The following SCN3A variants were observed in gnomAD, a reference collection of about 807,000 sequenced individuals.
The protein encoded by SCN3A is sodium voltage-gated channel alpha subunit 3.
In SCN3A, 60 loss-of-function variants were observed where a neutral mutation model predicts 187.6. The ratio of observed to expected loss-of-function variants is 0.32; its 90% CI spans 0.26 to 0.40. The LOEUF (loss-of-function observed/expected upper bound fraction) is 0.40, where lower values mean the gene tolerates loss of function less well. SCN3A is among the 10% of genes least tolerant of loss of function. The pLI, the probability that SCN3A is intolerant of heterozygous loss-of-function variation, is 1.00. For missense variants in SCN3A, 1,601 were observed against 2,428.2 expected (o/e 0.66, Z 7.16); for synonymous variants, 788 against 829.2 (o/e 0.95, Z 0.85).
chr2:165,096,041 A>T (rs1685350809), intron 24 of SCN3A, among the ~76,000 whole-genome samples: 1 of 152,118 alleles, frequency 6.6e-6, no homozygotes, highest in Non-Finnish European at 1.5e-5. Context: ...TTCAGCACAG[A>T]TATATTCTGT....
rs762858535 is a variant in SCN3A, at chr2:165,203,915, C to CTTTT, written c.-344_-341dup. On this transcript the variant is annotated 5_prime_UTR_variant, in exon 1 of 28. Transcript: ENST00000283254. ...CGTGTCTTCCTCTGCAGCTGTTCAG[C>CTTTT]TTTTTTTTTTTTTTTTTTTTTTGAC... 1.9e-4 allele frequency: 18 copies of CTTTT among 94,678 alleles called. No individual in the cohort carries two copies. The highest frequency in any genetic ancestry group is 2.7e-4 in the African/African-American group (6 of 22,110). The allele number at this position is 94,678 out of a possible 1,614,324, so 5.9% of individuals were successfully genotyped here.
chr2:165,097,971 A>G (rs1268345470), intron 22 of SCN3A, among the ~76,000 whole-genome samples: 8 of 152,188 alleles, frequency 5.3e-5, no homozygotes, highest in Non-Finnish European at 2.9e-5. Flanking sequence ...CCTTAAATCT[A>G]TATTCTCAGA....
intron 7 of SCN3A, 120 bp from the exon 8 acceptor site, chr2:165,162,948 G>GT: frequency 8.5e-7 from 1 of 1,178,028 alleles, no homozygotes. Context: ...CACCAAAGCT[G>GT]TATGGATAGC....
At chr2:165,153,876 G>A (rs1365696233) in intron 11 of SCN3A, among the ~76,000 whole-genome samples, 1 of 150,220 alleles carries the variant, frequency 6.7e-6, no homozygotes, top group African/African-American at 2.5e-5. Context: ...ACACATTAAT[G>A]TCCCATTCAC....
Position 165,131,262 on chromosome 2 carries a change from T to G in SCN3A, c.2547A>C (p.Val849=), listed in dbSNP as rs62174900. ...LGLSNVEGLS[V]LRSFRLLRVF... ...TAGATACCAGTCTGAATGATCGCAG[T>G]ACAGACAATCCCTCCACATTTGACA... Residue 849 remains valine (V), a synonymous_variant, in exon 16 of 28, where the codon GTA becomes GTC. Coordinates refer to ENST00000283254, the MANE Select transcript of SCN3A (RefSeq NM_006922.4). The G allele has an allele frequency of 0.2, 322,741 of 1,592,554 alleles. 34,042 individuals carry two copies. Among genetic ancestry groups the G allele is most frequent in the South Asian group, 0.26 (22,517 of 87,724 alleles).
chr2:165,113,646 C>T (rs921300727), intron 20 of SCN3A, among the ~76,000 whole-genome samples, 170 bp downstream of exon 20: 5 of 152,278 alleles, frequency 3.3e-5, no homozygotes, highest in Middle Eastern at 3.4e-3. Context: ...TTTCATGGTG[C>T]TGATTTGTTC....
chr2:165,149,229 G>A (rs1456756290), intron 11 of SCN3A, among the ~76,000 whole-genome samples: 2 of 151,204 alleles, frequency 1.3e-5, no homozygotes, highest in African/African-American at 4.9e-5. Context: ...AGGCTGGAGT[G>A]CAATGGCATG....
intron 1 of SCN3A, among the ~76,000 whole-genome samples, chr2:165,202,703 T>C (rs1365070864): frequency 1.3e-5 from 2 of 152,080 alleles, no homozygotes; most frequent in Non-Finnish European, 2.9e-5. Flanking sequence ...TAGCCAGTAC[T>C]GACTGGAAGC....
chr2:165,140,597 G>C lies in SCN3A; in HGVS notation c.2019+54C>G. The C allele has an allele frequency of 6.6e-7, 1 of 1,510,054 alleles. No individual in the cohort carries two copies. The highest frequency in any genetic ancestry group is 9.2e-7 in the Non-Finnish European group (1 of 1,085,396). The allele number at this position is 1,510,054 out of a possible 1,614,324, so 93.5% of individuals were successfully genotyped here. A position where few individuals can be genotyped will look rare whatever the true frequency, so the allele number is the denominator to read the frequency against. Reference sequence around the variant, plus strand: ...TGACAGCCTAAACTGTCCAGGCTTTGATTATTTCAAATTGGTGAATAATGT... The same window carrying C: ...TGACAGCCTAAACTGTCCAGGCTTTCATTATTTCAAATTGGTGAATAATGT... On this transcript the variant is annotated intron_variant, in intron 13 of 27. Coordinates refer to ENST00000283254, the MANE Select transcript of SCN3A (RefSeq NM_006922.4). This position sits in a 1 kb window ranked among gnomAD's most constrained non-coding sequence, Gnocchi z 4.2.
chr2:165,151,992 C>T (rs11691196), intron 11 of SCN3A, among the ~76,000 whole-genome samples: 111,224 of 152,062 alleles, frequency 0.73, 40,813 homozygotes, highest in East Asian at 0.86. Flanking sequence ...TATGCTGGTC[C>T]TGCCTAACAA....
intron 2 of SCN3A, 79 bp from the exon 3 acceptor site, chr2:165,176,523 T>C (rs752732652): frequency 5.5e-6 from 6 of 1,095,586 alleles, no homozygotes; most frequent in Non-Finnish European, 8.1e-6. Flanking sequence ...ATGTCATTTT[T>C]TAGTAACTTT....
intron 1 of SCN3A, among the ~76,000 whole-genome samples, chr2:165,193,090 A>T (rs1691713906): frequency 1.3e-5 from 2 of 152,162 alleles, no homozygotes; most frequent in South Asian, 4.1e-4. Context: ...AAAATTACAT[A>T]CATGGGACTC....
chr2:165,105,583 A>C (rs950125383), intron 21 of SCN3A, among the ~76,000 whole-genome samples: 1 of 151,914 alleles, frequency 6.6e-6, no homozygotes, highest in African/African-American at 2.4e-5. Context: ...TGAAGATGGG[A>C]GGTTGGGGAT....
intron 1 of SCN3A, among the ~76,000 whole-genome samples, chr2:165,190,674 C>T (rs1183111492): frequency 2.0e-5 from 3 of 149,510 alleles, no homozygotes; most frequent in Non-Finnish European, 4.4e-5. Context: ...AATCAAGTTC[C>T]TCTATGTGAT....
chr2:165,145,825 G>C (rs1043955968), intron 12 of SCN3A, among the ~76,000 whole-genome samples: 1 of 151,900 alleles, frequency 6.6e-6, no homozygotes, highest in African/African-American at 2.4e-5. Context: ...GTTATGATTA[G>C]AAGCATTTGC....
At chr2:165,154,222 T>C (rs1688873056) in intron 11 of SCN3A, among the ~76,000 whole-genome samples, 1 of 152,016 alleles carries the variant, frequency 6.6e-6, no homozygotes, top group African/African-American at 2.4e-5. Flanking sequence ...GTAAACCTTA[T>C]CTCTAATGTA....
intron 11 of SCN3A, among the ~76,000 whole-genome samples, chr2:165,151,613 A>G (rs1388655706): frequency 1.3e-5 from 2 of 152,192 alleles, no homozygotes; most frequent in East Asian, 3.8e-4. Context: ...GAACTTCCAG[A>G]CTATGATGTA....
intron 1 of SCN3A, among the ~76,000 whole-genome samples, chr2:165,202,869 G>A (rs1270698692): frequency 6.6e-6 from 1 of 151,916 alleles, no homozygotes; most frequent in Non-Finnish European, 1.5e-5. Context: ...TTAAAACCCT[G>A]TATGATTTTT....
At chr2:165,158,991 A>G (rs1185791619) in intron 9 of SCN3A, among the ~76,000 whole-genome samples, 2 of 137,694 alleles carry the variant, frequency 1.5e-5, no homozygotes, top group Non-Finnish European at 3.0e-5. Flanking sequence ...ATATGGTAAG[A>G]CTATGTTTAT....
Sources: gnomAD v4.1 joint callset for allele counts (sites outside exome capture counted in the v4.1 genomes callset) on GRCh38, gnomAD v4.1.1 for gene constraint, Gnocchi (gnomAD v3.1) non-coding constraint, MANE v1.5 for transcripts, NCBI Gene and HGNC (gene_info 2026-07-23, HGNC 2026-07-21) for gene names.